SPATA6: variants seen among roughly 807,000 people sequenced by gnomAD.
SPATA6 encodes the protein spermatogenesis-associated protein 6.
In SPATA6, 56 loss-of-function variants were observed where a neutral mutation model predicts 65.3. The ratio of observed to expected loss-of-function variants is 0.86; its 90% CI spans 0.69 to 1.07. The LOEUF (loss-of-function observed/expected upper bound fraction) is 1.07. SPATA6 is among the 50% of genes least tolerant of loss of function. The probability of loss-of-function intolerance (pLI) is 0.00; values close to 1 mark genes in which losing one functional copy is unlikely to be tolerated. For synonymous variants in SPATA6, 199 were observed against 213.2 expected, an observed-to-expected ratio of 0.93 and a Z score of 0.58; for missense variants, 590 against 594.8, an observed-to-expected ratio of 0.99 and a Z score of 0.08.
intron 3 of SPATA6, among the ~76,000 whole-genome samples, chr1:48,416,437 A>T (rs1164181048): frequency 6.6e-6 from 1 of 152,170 alleles, no homozygotes; most frequent in Non-Finnish European, 1.5e-5. Flanking sequence ...TTTACATAAC[A>T]TATAGGAAAA....
chr1:48,329,091 T>G (rs1396140923), intron 11 of SPATA6, among the ~76,000 whole-genome samples: 1 of 152,170 alleles, frequency 6.6e-6, no homozygotes, highest in Admixed American at 6.5e-5. Flanking sequence ...TCAAAGTATA[T>G]TCTCTAGCTG....
intron 3 of SPATA6, among the ~76,000 whole-genome samples, chr1:48,426,975 G>C (rs1437068006): frequency 6.6e-6 from 1 of 151,378 alleles, no homozygotes; most frequent in African/African-American, 2.4e-5. Flanking sequence ...ACCCAGGCTG[G>C]AGTACAGTAG....
chr1:48,355,733 A>G lies in SPATA6; in HGVS notation c.1131T>C (p.Asp377=). ...HSDWCSPSNC[D]EIHDRVKNVL... ...CATTTTTTACCCGGTCATGGATCTC[A>G]TCGCAGTTTGAAGGTGAACACCAAT... The change falls in exon 11 of 13, where the codon GAT becomes GAC. Residue 377 remains aspartate (D), a synonymous_variant. Coordinates refer to ENST00000371847, the MANE Select transcript of SPATA6 (RefSeq NM_019073.4). 1 of 1,609,382 alleles carries G rather than the reference A, an allele frequency of 6.2e-7. No homozygotes were observed. Among genetic ancestry groups the G allele is most frequent in the Non-Finnish European group, 8.5e-7 (1 of 1,176,352 alleles).
At chr1:48,364,687 T>G (rs1018131040) in intron 9 of SPATA6, among the ~76,000 whole-genome samples, 3 of 152,234 alleles carry the variant, frequency 2.0e-5, no homozygotes, top group Non-Finnish European at 4.4e-5. Context: ...CATTGTAGAT[T>G]CTGGATGTTA....
chr1:48,439,331 C>T (rs1273140830), intron 3 of SPATA6, among the ~76,000 whole-genome samples: 1 of 152,214 alleles, frequency 6.6e-6, no homozygotes, highest in African/African-American at 2.4e-5. Flanking sequence ...GTTTCTGCTG[C>T]TGCGATGCTG....
intron 3 of SPATA6, among the ~76,000 whole-genome samples, chr1:48,431,501 T>TG (rs1224584214): frequency 6.6e-6 from 1 of 152,142 alleles, no homozygotes; most frequent in Non-Finnish European, 1.5e-5. Flanking sequence ...GGGGTATATA[T>TG]GGGGCATTTT....
At chr1:48,381,908 T>C (rs201122404) in intron 9 of SPATA6, among the ~76,000 whole-genome samples, 4,688 of 124,224 alleles carry the variant, frequency 0.038, 226 homozygotes, top group East Asian at 0.16. Flanking sequence ...GTGATGACTC[T>C]TAACGAGCAT....
intron 11 of SPATA6, among the ~76,000 whole-genome samples, chr1:48,331,928 G>A (rs540880283): frequency 1.6e-4 from 25 of 152,216 alleles, no homozygotes; most frequent in South Asian, 1.0e-3. Flanking sequence ...TTCAACAGTC[G>A]TAAAGAAAAA....
intron 11 of SPATA6, among the ~76,000 whole-genome samples, chr1:48,317,888 T>C (rs1254034189): frequency 1.3e-5 from 2 of 152,108 alleles, no homozygotes; most frequent in Non-Finnish European, 2.9e-5. Flanking sequence ...ATTTTATGAA[T>C]ACAGATGCAA....
intron 11 of SPATA6, among the ~76,000 whole-genome samples, chr1:48,329,846 A>G (rs1455206266): frequency 2.6e-5 from 4 of 152,224 alleles, no homozygotes; most frequent in African/African-American, 4.8e-5. Flanking sequence ...CACTCTCCAC[A>G]GGGACCTGTG....
chr1:48,298,752 C>A lies in SPATA6; in HGVS notation c.1428G>T (p.Lys476Asn). 6.2e-7 allele frequency: 1 copy of A among 1,613,752 alleles called. No homozygotes were observed. Among genetic ancestry groups the A allele is most frequent in the Non-Finnish European group, 8.5e-7 (1 of 1,179,824 alleles). ...MDKMYRNLYKKACSSASHTQE... is the reference protein window; with the variant it reads ...MDKMYRNLYKNACSSASHTQE... ...GTGTATGTGAAGCAGAACTACAGGC[C>A]TTTTTGTATAAGTTCCTGTACATCT... Residue 476 changes from lysine to asparagine, a missense_variant, in exon 13 of 13, where the codon AAG becomes AAT. By Grantham distance (94) the Lys-to-Asn change is moderately conservative (BLOSUM62 0). Coordinates refer to ENST00000371847, the MANE Select transcript of SPATA6 (RefSeq NM_019073.4).
chr1:48,354,575 AC>A (rs1261773499), intron 11 of SPATA6, among the ~76,000 whole-genome samples: 3 of 152,118 alleles, frequency 2.0e-5, no homozygotes, highest in Non-Finnish European at 4.4e-5. Flanking sequence ...ACAATAATGA[AC>A]TACTGCTACA....
At chr1:48,448,128 GCA>G (rs1191801356) in intron 3 of SPATA6, 4 of 152,018 alleles carry the variant, frequency 2.6e-5, no homozygotes, top group Admixed American at 2.0e-4. Context: ...TGGCATGGTG[GCA>G]CATGCCTGTG....
At position 48,399,238 on chromosome 1, in the gene SPATA6, A is replaced by G. The variant is rs902541659; in HGVS notation, c.780+113T>C. 43 of 1,248,446 alleles carry G rather than the reference A, an allele frequency of 3.4e-5. No individual in the cohort carries two copies. The African/African-American group carries it at 6.2e-4, about 18-fold the overall frequency. 77.3% of individuals were successfully genotyped at this position (1,248,446 alleles called of 1,614,324 possible). A position where few individuals can be genotyped will look rare whatever the true frequency, so the allele number is the denominator to read the frequency against. On this transcript the variant is annotated intron_variant, in intron 7 of 12. Coordinates refer to ENST00000371847, the MANE Select transcript of SPATA6 (RefSeq NM_019073.4). Reference sequence around the variant, plus strand: ...CTTAGACTGCTAGGGTAGCAGTCAGAAGAGAAAAGTATTATTAATATAAGC... The same window carrying G: ...CTTAGACTGCTAGGGTAGCAGTCAGGAGAGAAAAGTATTATTAATATAAGC...
At position 48,312,899 on chromosome 1, in the gene SPATA6, T is replaced by C. The variant is rs1355705583; in HGVS notation, c.1195-7021A>G. On this transcript the variant is annotated intron_variant, in intron 11 of 12. Coordinates refer to ENST00000371847, the MANE Select transcript of SPATA6 (RefSeq NM_019073.4). ...CACGGCAAGAGACAAACGTGACGAA[T>C]GCACAAGCCTCAGTAGCTGATTCAA... Among the ~76,000 whole-genome samples the C allele has an allele frequency of 3.3e-5, 5 of 152,270 alleles. 1 individual carries two copies. The highest frequency in any genetic ancestry group is 1.2e-4 in the African/African-American group (5 of 41,554).
At chr1:48,315,738 G>A (rs927649496) in intron 11 of SPATA6, among the ~76,000 whole-genome samples, 1 of 152,160 alleles carries the variant, frequency 6.6e-6, no homozygotes, top group Non-Finnish European at 1.5e-5. Flanking sequence ...TAGGAAAAGA[G>A]GAAGTCAAAT....
At chr1:48,403,349 A>G (rs148302636) in intron 6 of SPATA6, among the ~76,000 whole-genome samples, 268 of 152,294 alleles carry the variant, frequency 1.8e-3, no homozygotes, top group African/African-American at 6.3e-3. Flanking sequence ...AAGAAATCAG[A>G]GACAGTCAAG....
chr1:48,380,934 T>C (rs1420694860), intron 9 of SPATA6, among the ~76,000 whole-genome samples: 2 of 152,158 alleles, frequency 1.3e-5, no homozygotes, highest in Non-Finnish European at 2.9e-5. Context: ...AGACAATTTT[T>C]CCACGAACTG....
Position 48,399,457 on chromosome 1 carries a change from C to T in SPATA6, c.674G>A (p.Arg225His), listed in dbSNP as rs377106164. Residue 225 changes from arginine to histidine, a missense_variant, in exon 7 of 13, where the codon CGC becomes CAC. Arg to His is a conservative substitution (Grantham distance 29, BLOSUM62 0). Coordinates refer to ENST00000371847, the MANE Select transcript of SPATA6 (RefSeq NM_019073.4). The stretch of plus-strand genomic sequence containing the variant: ...GGTGTCTTCAGATAGCTCACACATG[C>T]GTCTTTTTGTGTAGGGAGATGGAGA... ...SHSPSPYTKR[R>H]MCELSEDTRR... 3.3e-5 allele frequency: 54 copies of T among 1,613,112 alleles called. No individual in the cohort carries two copies. Among genetic ancestry groups the T allele is most frequent in the Non-Finnish European group, 4.2e-5 (49 of 1,179,466 alleles).
Sources: gnomAD v4.1 joint callset for allele counts (sites outside exome capture counted in the v4.1 genomes callset) on GRCh38, gnomAD v4.1.1 for gene constraint, MANE v1.5 for transcripts, NCBI Gene and HGNC (gene_info 2026-07-23, HGNC 2026-07-21) for gene names.